Variants in CACNA1C observed in about 807,000 individuals in gnomAD.
The protein encoded by CACNA1C is voltage-dependent L-type calcium channel subunit alpha-1C.
CACNA1C carries 30 observed loss-of-function variants against 229.0 expected under a neutral mutation model. That is an observed-to-expected ratio of 0.13 (90% CI 0.10 to 0.18). CACNA1C has a LOEUF of 0.18. Ranked by LOEUF, CACNA1C falls within the 10% of genes least tolerant of loss-of-function variation. The pLI, the probability that CACNA1C is intolerant of heterozygous loss-of-function variation, is 1.00. For synonymous variants in CACNA1C, 1,114 were observed against 1,132.5 expected, an observed-to-expected ratio of 0.98 and a Z score of 0.33; for missense variants, 1,658 against 2,845.0, an observed-to-expected ratio of 0.58 and a Z score of 9.49.
At chr12:2,586,446 G>C (rs993249816) in intron 18 of CACNA1C, among the ~76,000 whole-genome samples, 1 of 152,164 alleles carries the variant, frequency 6.6e-6, no homozygotes, top group Non-Finnish European at 1.5e-5. Flanking sequence ...CAGGCAGTCT[G>C]CTTCTCAAGA....
Position 2,180,705 on chromosome 12 carries a change from T to C in CACNA1C, c.477+60275T>C, listed in dbSNP as rs148017526. 3.4e-4 allele frequency among the ~76,000 whole-genome samples: 52 copies of C among 152,344 alleles called. No homozygotes were observed. In the East Asian group the frequency reaches 5.8e-3, roughly 17 times the overall value. ...TTTTGGAGCCAGGCAGATTGGGTTC[T>C]AATCACAGCGTGTCCCAGAATCAGC... On this transcript the variant is annotated intron_variant, in intron 3 of 46. Coordinates refer to ENST00000399655, the MANE Select transcript of CACNA1C (RefSeq NM_000719.7).
intron 1 of CACNA1C, among the ~76,000 whole-genome samples, chr12:1,985,845 C>T (rs1360839276): frequency 3.9e-5 from 6 of 152,246 alleles, no homozygotes; most frequent in Admixed American, 3.3e-4. Flanking sequence ...GAGTCTCCCT[C>T]TGTCGCCCAG....
chr12:2,605,813 TC>T lies in CACNA1C; in HGVS notation c.3156+29del. ...TAAAGTCTGGGCTCCGTTGTGGTCC[TC>T]CTACCTCCCCTCCCATCAGCATTCC... On this transcript the variant is annotated intron_variant, in intron 24 of 46. Transcript: ENST00000399655. The surrounding 1 kb of genome is among the most constrained non-coding windows in gnomAD (Gnocchi z 6.2). The T allele has an allele frequency of 7.0e-7, 1 of 1,423,278 alleles. No homozygotes were observed. The highest frequency in any genetic ancestry group is 9.9e-7 in the Non-Finnish European group (1 of 1,005,738). 88.2% of individuals were successfully genotyped at this position (1,423,278 alleles called of 1,614,324 possible).
intron 9 of CACNA1C, among the ~76,000 whole-genome samples, chr12:2,525,383 C>G (rs1408295819): frequency 6.6e-6 from 1 of 152,156 alleles, no homozygotes; most frequent in Non-Finnish European, 1.5e-5. Context: ...AGGCCCTGAA[C>G]ACCTATCCTG....
rs905364351 is a variant in CACNA1C at position 2,001,822 on chromosome 12, T to C, written c.139+30621T>C. 1.3e-4 allele frequency among the ~76,000 whole-genome samples: 20 copies of C among 152,200 alleles called. 1 individual carries two copies. Among genetic ancestry groups the C allele is most frequent in the Non-Finnish European group, 2.6e-4 (18 of 68,024 alleles). On this transcript the variant is annotated intron_variant, in intron 1 of 46. Coordinates refer to the CACNA1C transcript ENST00000682462. ...TTTTCAGGCTCAGCATTCCCTGGCC[T>C]CTACTCTATAGATGTCACAACACTC...
intron 1 of CACNA1C, chr12:1,992,917 G>A (rs1565855030): frequency 1.7e-5 from 9 of 545,280 alleles, no homozygotes; most frequent in Admixed American, 3.4e-5. Context: ...TCTTCGTTCA[G>A]GGAGCCACCT....
rs545793483 is a variant in CACNA1C at position 2,245,004 on chromosome 12, T to TCTG, written c.477+124581_477+124583dup. The stretch of plus-strand genomic sequence containing the variant: ...TTTTCTCTGGGGCTGTAAATGCAAT[T>TCTG]CTGCTGCTGAACTGATTGCCTGAAC... On this transcript the variant is annotated intron_variant, in intron 3 of 46. Coordinates refer to ENST00000399655, the MANE Select transcript of CACNA1C (RefSeq NM_000719.7). Among the ~76,000 whole-genome samples, 43 of 152,324 alleles carry TCTG rather than the reference T, an allele frequency of 2.8e-4. No homozygotes were observed. In the East Asian group the frequency reaches 7.3e-3, roughly 26 times the overall value.
chr12:2,688,459 G>T lies in CACNA1C; in HGVS notation c.5797G>T (p.Ala1933Ser), dbSNP rs1316874100. 1 of 1,613,676 alleles carries T rather than the reference G, an allele frequency of 6.2e-7. No individual in the cohort carries two copies. The highest frequency in any genetic ancestry group is 8.5e-7 in the Non-Finnish European group (1 of 1,179,852). ...TGTGTGTCCGCAGGCATTGGCAGTG[G>T]CAGGCCTGAGCCCCCTCCTCCAGAG... Reference protein sequence around the residue: ...HLVHHQALAVAGLSPLLQRSH... With the variant: ...HLVHHQALAVSGLSPLLQRSH... The change falls in exon 46 of 47, where the codon GCA (alanine) becomes TCA (serine). Residue 1933 changes from alanine to serine, a missense_variant. Around this residue, in one of 20 missense-constraint regions of CACNA1C, gnomAD observed 590 missense variants for 700.8 expected, o/e 0.84. Coordinates refer to ENST00000399655, the MANE Select transcript of CACNA1C (RefSeq NM_000719.7).
rs550148640 is a variant in CACNA1C, at chr12:2,666,233, G to A, written c.4527-453G>A. ...TATATCTACTATATTCAGTTGAATGGAAGGATAGGAAATTCTAGTATCAGG... is the reference window on the plus strand; with the variant it reads ...TATATCTACTATATTCAGTTGAATGAAAGGATAGGAAATTCTAGTATCAGG... On this transcript the variant is annotated intron_variant, in intron 36 of 46. Transcript: ENST00000399655. This position sits in a 1 kb window ranked among gnomAD's most constrained non-coding sequence, Gnocchi z 5.3. Among the ~76,000 whole-genome samples, 6 of 152,242 alleles carry A rather than the reference G, an allele frequency of 3.9e-5. No individual in the cohort carries two copies. The highest frequency in any genetic ancestry group is 1.4e-4 in the African/African-American group (6 of 41,560).
chr12:2,538,720 G>A (rs980882189), intron 9 of CACNA1C, among the ~76,000 whole-genome samples: 5 of 152,194 alleles, frequency 3.3e-5, no homozygotes, highest in African/African-American at 1.2e-4. Context: ...CATATGAAGA[G>A]TTCCTTCATC....
At position 2,606,678 on chromosome 12, in the gene CACNA1C, G is replaced by A; in HGVS notation, c.3209+15G>A. The stretch of plus-strand genomic sequence containing the variant: ...GCGGAATGCAAGTGAGTAGAGGTGG[G>A]AGGGCAGCCAGGGCCACGGCCGGTC... On this transcript the variant is annotated intron_variant, in intron 25 of 46. Coordinates refer to ENST00000399655, the MANE Select transcript of CACNA1C (RefSeq NM_000719.7). 15 of 1,606,114 alleles carry A rather than the reference G, an allele frequency of 9.3e-6. No individual in the cohort carries two copies. The highest frequency in any genetic ancestry group is 1.1e-5 in the South Asian group (1 of 89,266).
At chr12:2,687,108 C>A (rs2097542310) in intron 45 of CACNA1C, among the ~76,000 whole-genome samples, 2 of 152,122 alleles carry the variant, frequency 1.3e-5, no homozygotes, top group African/African-American at 4.8e-5. Context: ...GTTTTCTTAG[C>A]CTGTGTGGTG....
intron 3 of CACNA1C, chr12:2,218,032 A>T (rs1226630210): frequency 1.3e-5 from 2 of 152,144 alleles, no homozygotes; most frequent in African/African-American, 4.8e-5. Context: ...CCCTGATCTG[A>T]GATTCAGGAA....
intron 3 of CACNA1C, among the ~76,000 whole-genome samples, chr12:2,307,790 C>T (rs2095160423): frequency 2.0e-5 from 3 of 152,306 alleles, no homozygotes. Flanking sequence ...AGCCCACTTA[C>T]ATAACAAACT....
At position 2,593,301 on chromosome 12, in the gene CACNA1C, C is replaced by T. The variant is rs374481837; in HGVS notation, c.2619C>T (p.Pro873=). Reference sequence around the variant, plus strand: ...TTCACCTTAAGGAAAAGGCAGTGCCCATGCCAGAAGCCAGCGCGTTTTTCA... The same window carrying T: ...TTCACCTTAAGGAAAAGGCAGTGCCTATGCCAGAAGCCAGCGCGTTTTTCA... ...SELHLKEKAV[P]MPEASAFFIF... Residue 873 remains proline (P), a synonymous_variant, in exon 19 of 47, where the codon CCC becomes CCT. Coordinates refer to ENST00000399655, the MANE Select transcript of CACNA1C (RefSeq NM_000719.7). 2.0e-5 allele frequency: 33 copies of T among 1,613,722 alleles called. No homozygotes were observed. The highest frequency in any genetic ancestry group is 2.7e-5 in the Non-Finnish European group (32 of 1,179,852).
intron 9 of CACNA1C, among the ~76,000 whole-genome samples, chr12:2,522,974 G>T (rs73252707): frequency 0.012 from 1,877 of 152,216 alleles, 35 homozygotes; most frequent in African/African-American, 0.043. Context: ...TCTACCACAA[G>T]CCCCCTCACG....
chr12:2,036,395 C>T (rs918704720), intron 1 of CACNA1C, among the ~76,000 whole-genome samples: 9 of 152,202 alleles, frequency 5.9e-5, no homozygotes, highest in African/African-American at 2.2e-4. Flanking sequence ...GCCCCAGCCT[C>T]TAGCTCTGGA....
chr12:2,097,397 C>T (rs527896485), intron 1 of CACNA1C, among the ~76,000 whole-genome samples: 96 of 152,180 alleles, frequency 6.3e-4, no homozygotes, highest in African/African-American at 1.8e-3. Flanking sequence ...CCGCCCGCCT[C>T]GACCTCCCAA....
chr12:2,437,210 G>A (rs2099143045), intron 3 of CACNA1C, among the ~76,000 whole-genome samples: 1 of 152,252 alleles, frequency 6.6e-6, no homozygotes, highest in Admixed American at 6.5e-5. Flanking sequence ...TCATAAGGTG[G>A]TGACCAGGTC....
Sources: gnomAD v4.1 joint callset for allele counts (sites outside exome capture counted in the v4.1 genomes callset) on GRCh38, gnomAD v4.1.1 for gene constraint, gnomAD v4.1.1 regional missense constraint, Gnocchi (gnomAD v3.1) non-coding constraint, MANE v1.5 for transcripts, NCBI Gene and HGNC (gene_info 2026-07-23, HGNC 2026-07-21) for gene names.